The following COL6A5 variants were observed in gnomAD, a reference collection of about 807,000 sequenced individuals.
The protein encoded by COL6A5 is collagen type VI alpha 5 chain.
Under a neutral mutation model 65.6 loss-of-function variants are expected in COL6A5, and 48 were observed. That is an observed-to-expected ratio of 0.73 (90% CI 0.58 to 0.93). COL6A5 has a LOEUF of 0.93. Among genes scored for constraint, COL6A5 ranks in the 40% least tolerant of loss-of-function variants. The probability of loss-of-function intolerance (pLI) is 0.00; values close to 1 mark genes in which losing one functional copy is unlikely to be tolerated. For missense variants in COL6A5, 914 were observed against 928.3 expected, an observed-to-expected ratio of 0.98 and a Z score of 0.20; for synonymous variants, 291 against 322.8, an observed-to-expected ratio of 0.90 and a Z score of 1.05.
intron 24 of COL6A5, among the ~76,000 whole-genome samples, chr3:130,417,632 T>C (rs934125921): frequency 2.0e-5 from 3 of 151,644 alleles, no homozygotes; most frequent in African/African-American, 7.3e-5. Context: ...ACCACGACTA[T>C]CTCTGAGATG....
chr3:130,426,566 G>A (rs149716638), upstream of COL6A5, among the ~76,000 whole-genome samples: 794 of 152,224 alleles, frequency 5.2e-3, 4 homozygotes, highest in African/African-American at 0.019. Context: ...CACATTAAAG[G>A]AGAGAGGAAA....
At chr3:130,464,376 TCC>T (rs1244551329) in intron 5 of COL6A5, among the ~76,000 whole-genome samples, 1 of 152,020 alleles carries the variant, frequency 6.6e-6, no homozygotes, top group Non-Finnish European at 1.5e-5. Context: ...CAAGCGATCC[TCC>T]CACCTCTGCC....
At chr3:130,478,136 C>A (rs925135173) in intron 7 of COL6A5, among the ~76,000 whole-genome samples, 1 of 152,066 alleles carries the variant, frequency 6.6e-6, no homozygotes, top group African/African-American at 2.4e-5. Context: ...AATAATATAA[C>A]CTATGACATT....
intron 1 of COL6A5, among the ~76,000 whole-genome samples, chr3:130,364,584 T>C (rs1432454848): frequency 6.6e-6 from 1 of 152,218 alleles, no homozygotes; most frequent in East Asian, 1.9e-4. Flanking sequence ...GCTGCAGTAG[T>C]CAGAGAGCAG....
chr3:130,414,862 G>A lies in COL6A5; in HGVS notation c.4761+731G>A, dbSNP rs77907482. Among the ~76,000 whole-genome samples, 1,143 of 152,152 alleles carry A rather than the reference G, an allele frequency of 7.5e-3. 17 individuals carry two copies. Among genetic ancestry groups the A allele is most frequent in the African/African-American group, 0.025 (1,041 of 41,512 alleles). ...AAAATTCAGGTATTAGGACCAAACTGGAATTTGGGATTCTCTTGAGTGGTT... is the reference window on the plus strand; with the variant it reads ...AAAATTCAGGTATTAGGACCAAACTAGAATTTGGGATTCTCTTGAGTGGTT... On this transcript the variant is annotated intron_variant and NMD_transcript_variant, in intron 22 of 41. Transcript: ENST00000312481.
At chr3:130,377,769 T>C (rs1235078076) in intron 3 of COL6A5, among the ~76,000 whole-genome samples, 1 of 152,152 alleles carries the variant, frequency 6.6e-6, no homozygotes, top group Non-Finnish European at 1.5e-5. Flanking sequence ...GTGTCTATCA[T>C]ATAATATGAA....
At chr3:130,458,365 T>C (rs1360050297) in intron 5 of COL6A5, among the ~76,000 whole-genome samples, 1 of 152,124 alleles carries the variant, frequency 6.6e-6, no homozygotes, top group Admixed American at 6.6e-5. Context: ...AATATTTGTA[T>C]GCCCTCAAGC....
chr3:130,373,474 G>A (rs1425630254), intron 1 of COL6A5, 137 bp from the exon 2 acceptor site: 5 of 572,156 alleles, frequency 8.7e-6, no homozygotes, highest in Non-Finnish European at 1.6e-5. Flanking sequence ...CCAAATGCTT[G>A]ATGAATTTTA....
At chr3:130,461,723 T>C (rs1709704834) in intron 5 of COL6A5, among the ~76,000 whole-genome samples, 1 of 152,000 alleles carries the variant, frequency 6.6e-6, no homozygotes, top group Non-Finnish European at 1.5e-5. Flanking sequence ...TATTTTAAAA[T>C]AGTTTTGGTG....
intron 3 of COL6A5, among the ~76,000 whole-genome samples, chr3:130,442,544 A>C (rs1202504818): frequency 2.0e-5 from 3 of 152,194 alleles, no homozygotes; most frequent in Non-Finnish European, 2.9e-5. Flanking sequence ...AACACACCCA[A>C]TTCGCTGCCT....
chr3:130,412,136 G>T (rs1418071033), intron 20 of COL6A5, among the ~76,000 whole-genome samples: 1 of 152,046 alleles, frequency 6.6e-6, no homozygotes, highest in Non-Finnish European at 1.5e-5. Flanking sequence ...CACATTCAAG[G>T]CCCTATGCTT....
chr3:130,426,304 C>T, intron 30 of COL6A5, 55 bp downstream of exon 30: 1 of 1,547,562 alleles, frequency 6.5e-7, no homozygotes, highest in Non-Finnish European at 8.7e-7. Context: ...GGGAAATAAA[C>T]ACAGTTACTC....
intron 13 of COL6A5, among the ~76,000 whole-genome samples, chr3:130,404,195 T>C (rs1936911553): frequency 6.6e-6 from 1 of 152,186 alleles, no homozygotes; most frequent in Non-Finnish European, 1.5e-5. Flanking sequence ...ACACAGAGGT[T>C]TGCGAATCTC....
rs80328164 is a variant in COL6A5, at chr3:130,350,140, A to G, written c.-29+4159A>G. ...GCTGAGTACATTGCCTCATCAATCA[A>G]CATAGGAGTTCTGTTAATATAGAAG... On this transcript the variant is annotated intron_variant and NMD_transcript_variant, in intron 1 of 41. Transcript: ENST00000312481. Among the ~76,000 whole-genome samples the G allele has an allele frequency of 2.4e-3, 372 of 152,280 alleles. 1 individual carries two copies. The highest frequency in any genetic ancestry group is 8.4e-3 in the African/African-American group (351 of 41,546).
intron 1 of COL6A5, among the ~76,000 whole-genome samples, chr3:130,361,815 C>T (rs181404306): frequency 1.3e-5 from 2 of 152,148 alleles, no homozygotes; most frequent in East Asian, 1.9e-4. Flanking sequence ...TTTGCAATTC[C>T]GTAATGACAT....
In COL6A5 at chr3:130,386,123, C is replaced by T. The variant is rs561413348; in HGVS notation, c.1861+759C>T. ...GGTATGTGTTGATTGCCAGTATTAG[C>T]ACATGAAAATATTGCCTGCTGAGAA... On this transcript the variant is annotated intron_variant and NMD_transcript_variant, in intron 5 of 41. Coordinates refer to the COL6A5 transcript ENST00000312481. 1.2e-4 allele frequency among the ~76,000 whole-genome samples: 18 copies of T among 152,048 alleles called. No individual in the cohort carries two copies. In the South Asian group the frequency reaches 3.7e-3, roughly 32 times the overall value.
intron 7 of COL6A5, 120 bp from the exon 8 acceptor site, chr3:130,394,768 CTT>C (rs1231329247): frequency 5.8e-6 from 4 of 683,814 alleles, no homozygotes; most frequent in Non-Finnish European, 9.7e-6. Flanking sequence ...CTCTTGTTAA[CTT>C]ATCTCAATTT....
At chr3:130,448,314 A>C (rs577704830) in intron 4 of COL6A5, among the ~76,000 whole-genome samples, 3 of 152,172 alleles carry the variant, frequency 2.0e-5, no homozygotes, top group Admixed American at 6.5e-5. Flanking sequence ...TACGAATTCC[A>C]GTTCTAGTAA....
intron 1 of COL6A5, among the ~76,000 whole-genome samples, chr3:130,360,097 A>G (rs1935058065): frequency 6.6e-6 from 1 of 152,128 alleles, no homozygotes; most frequent in South Asian, 2.1e-4. Context: ...CAGAAAGAAT[A>G]TAAAGAGAAT....
Sources: gnomAD v4.1 joint callset for allele counts (sites outside exome capture counted in the v4.1 genomes callset) on GRCh38, gnomAD v4.1.1 for gene constraint, MANE v1.5 for transcripts, NCBI Gene and HGNC (gene_info 2026-07-23, HGNC 2026-07-21) for gene names.